The following MAP2K3 variants were observed in gnomAD, a reference collection of about 807,000 sequenced individuals.
MAP2K3 encodes the protein mitogen-activated protein kinase kinase 3.
In MAP2K3, 30 loss-of-function variants were observed where a neutral mutation model predicts 46.4. That is an observed-to-expected ratio of 0.65 (90% CI 0.48 to 0.88). The LOEUF is 0.88. MAP2K3 is among the 40% of genes least tolerant of loss of function. The pLI is 0.00. For missense variants in MAP2K3, 380 were observed against 464.5 expected (o/e 0.82, Z 1.67); for synonymous variants, 189 against 176.3 (o/e 1.07, Z -0.57).
intron 1 of MAP2K3, chr17:21,296,293 C>T: frequency 1.1e-6 from 1 of 908,506 alleles, no homozygotes; most frequent in Non-Finnish European, 1.5e-6. Flanking sequence ...GGTCGCAGAG[C>T]TGGAGTTTAC....
At chr17:21,301,819 C>G (rs1401631813) in intron 5 of MAP2K3, among the ~76,000 whole-genome samples, 1 of 152,310 alleles carries the variant, frequency 6.6e-6, no homozygotes, top group East Asian at 1.9e-4. Context: ...CGGCTGTTGC[C>G]ATGGAGCTGG....
chr17:21,307,764 G>A (rs1358798671), intron 9 of MAP2K3, among the ~76,000 whole-genome samples: 4 of 146,162 alleles, frequency 2.7e-5, no homozygotes, highest in African/African-American at 1.0e-4. Flanking sequence ...TGCAACCTCC[G>A]CCTCCTAGGT....
At chr17:21,293,398 C>G (rs554696950) in intron 1 of MAP2K3, among the ~76,000 whole-genome samples, 1 of 152,312 alleles carries the variant, frequency 6.6e-6, no homozygotes, top group Non-Finnish European at 1.5e-5. Context: ...ATGTTGCAGG[C>G]GGGCCATGGT....
intron 1 of MAP2K3, among the ~76,000 whole-genome samples, chr17:21,292,344 C>T (rs971009752): frequency 1.2e-4 from 19 of 152,294 alleles, no homozygotes; most frequent in African/African-American, 3.4e-4. Flanking sequence ...TGTTTCTCCT[C>T]GGAATACTCT....
rs1975814839 is a variant in MAP2K3, at chr17:21,289,283, C to T, written c.49+4314C>T. 2.0e-5 allele frequency among the ~76,000 whole-genome samples: 3 copies of T among 152,314 alleles called. No individual in the cohort carries two copies. The East Asian group carries it at 5.8e-4, about 29-fold the overall frequency. ...GAGAGCTGGGGCCTGCTCCTGCAGGCCTGCCCTGCCCCTGGCTTTGGCATG... is the reference window on the plus strand; with the variant it reads ...GAGAGCTGGGGCCTGCTCCTGCAGGTCTGCCCTGCCCCTGGCTTTGGCATG... On this transcript the variant is annotated intron_variant, in intron 1 of 11. Transcript: ENST00000342679.
At chr17:21,293,835 A>T (rs867483820) in intron 1 of MAP2K3, among the ~76,000 whole-genome samples, 1 of 152,306 alleles carries the variant, frequency 6.6e-6, no homozygotes, top group South Asian at 2.1e-4. Context: ...TGGAGCAGGC[A>T]CTTGGTTAGA....
chr17:21,287,868 G>C (rs1975763507), intron 1 of MAP2K3: 3 of 395,056 alleles, frequency 7.6e-6, no homozygotes, highest in Admixed American at 3.0e-5. Flanking sequence ...GTGACACTGA[G>C]GTTTCATAGA....
chr17:21,285,157 G>A (rs1313811171), intron 1 of MAP2K3, 188 bp downstream of exon 1: 4 of 890,928 alleles, frequency 4.5e-6, no homozygotes, highest in Non-Finnish European at 5.4e-6. Context: ...GGACCCCCAC[G>A]TTAGGCCTTG....
intron 6 of MAP2K3, 87 bp from the exon 7 acceptor site, chr17:21,303,095 AT>A: frequency 6.4e-7 from 1 of 1,553,886 alleles, no homozygotes; most frequent in Non-Finnish European, 8.8e-7. Flanking sequence ...ACAGGTGGAC[AT>A]GGATGGGGTC....
intron 1 of MAP2K3, among the ~76,000 whole-genome samples, chr17:21,285,955 G>A (rs1376529748): frequency 6.6e-6 from 1 of 152,124 alleles, no homozygotes; most frequent in East Asian, 1.9e-4. Context: ...AGTTTCAGTA[G>A]GCTGGGTTGT....
At position 21,288,021 on chromosome 17, in the gene MAP2K3, G is replaced by T. The variant is rs1230276480; in HGVS notation, c.49+3052G>T. ...TCTCTGTCAGCCAACCCATGGCCCA[G>T]CGCCCAAAGGGAGCAAAGTTCTCAG... On this transcript the variant is annotated intron_variant, in intron 1 of 11. Transcript: ENST00000342679. 4.7e-6 allele frequency: 6 copies of T among 1,289,226 alleles called. No individual in the cohort carries two copies. In the Admixed American group the frequency reaches 1.1e-4, roughly 25 times the overall value. 79.9% of individuals were successfully genotyped at this position (1,289,226 alleles called of 1,614,324 possible).
chr17:21,287,968 C>T (rs1443259594), intron 1 of MAP2K3: 1 of 1,230,660 alleles, frequency 8.1e-7, no homozygotes, highest in Admixed American at 2.3e-5. Flanking sequence ...GGGGACTTCC[C>T]CCACCCCTCT....
chr17:21,299,290 G>A, intron 3 of MAP2K3, among the ~76,000 whole-genome samples: 1 of 152,306 alleles, frequency 6.6e-6, no homozygotes, highest in East Asian at 1.9e-4. Flanking sequence ...CAGCACCTGG[G>A]CAACCTGCAT....
Position 21,284,784 on chromosome 17 carries a change from C to G in MAP2K3, c.-137C>G. 1 of 965,784 alleles carries G rather than the reference C, an allele frequency of 1.0e-6. No individual in the cohort carries two copies. The allele number at this position is 965,784 out of a possible 1,614,324, so 59.8% of individuals were successfully genotyped here. On this transcript the variant is annotated 5_prime_UTR_variant, in exon 1 of 12. Transcript: ENST00000342679. Reference sequence around the variant, plus strand: ...CCGCCGCAGTCCTCGCCGCAGTCGCCGCCGCCGCCGCCGCCGCCGCCGCTG... The same window carrying G: ...CCGCCGCAGTCCTCGCCGCAGTCGCGGCCGCCGCCGCCGCCGCCGCCGCTG...
chr17:21,298,745 G>T, intron 2 of MAP2K3, 133 bp from the exon 3 acceptor site: 1 of 1,337,500 alleles, frequency 7.5e-7, no homozygotes, highest in Non-Finnish European at 1.1e-6. Flanking sequence ...GTGAGAGGAG[G>T]TGGCCGGAGA....
chr17:21,304,429 T>G lies in MAP2K3; in HGVS notation c.572T>G (p.Val191Gly). Reference sequence around the variant, plus strand: ...GAGGCATGTCCCTCCCTGGCAGATGTGAAGCCCTCCAATGTCCTTATCAAC... The same window carrying G: ...GAGGCATGTCCCTCCCTGGCAGATGGGAAGCCCTCCAATGTCCTTATCAAC... ...HSKLSVIHRD[V>G]KPSNVLINKE... Residue 191 changes from valine (V) to glycine (G), a missense_variant, in exon 8 of 12, where the codon GTG (valine) becomes GGG (glycine). Val to Gly is a moderately radical substitution (Grantham distance 109). Coordinates refer to ENST00000342679, the MANE Select transcript of MAP2K3 (RefSeq NM_145109.3). 1 of 1,614,318 alleles carries G rather than the reference T, an allele frequency of 6.2e-7. No individual in the cohort carries two copies. Among genetic ancestry groups the G allele is most frequent in the Non-Finnish European group, 8.5e-7 (1 of 1,180,060 alleles).
At chr17:21,305,894 A>G (rs1171568266) in intron 9 of MAP2K3, among the ~76,000 whole-genome samples, 1 of 152,308 alleles carries the variant, frequency 6.6e-6, no homozygotes, top group Non-Finnish European at 1.5e-5. Flanking sequence ...GCTTGGGACC[A>G]ATGGAGTGTC....
chr17:21,295,062 C>G (rs1976163124), intron 1 of MAP2K3, among the ~76,000 whole-genome samples: 4 of 152,308 alleles, frequency 2.6e-5, no homozygotes. Flanking sequence ...CAGGCAGCCT[C>G]TCTGAACTGG....
intron 1 of MAP2K3, among the ~76,000 whole-genome samples, chr17:21,290,634 C>T (rs1975867889): frequency 6.6e-6 from 1 of 152,306 alleles, no homozygotes; most frequent in Non-Finnish European, 1.5e-5. Context: ...CACCAAGAAC[C>T]CCGTTTTTGG....
Sources: allele counts gnomAD v4.1 joint callset (sites outside exome capture counted in the v4.1 genomes callset), GRCh38; gene constraint gnomAD v4.1.1; transcripts MANE v1.5; gene names NCBI Gene and HGNC (gene_info 2026-07-23, HGNC 2026-07-21).